NOSTRIN: variants seen among roughly 807,000 people sequenced by gnomAD.
NOSTRIN encodes the protein BM247 homolog.
NOSTRIN carries 63 observed loss-of-function variants against 59.0 expected under a neutral mutation model. The ratio of observed to expected loss-of-function variants is 1.07; its 90% CI spans 0.87 to 1.32. The LOEUF (loss-of-function observed/expected upper bound fraction) is 1.32. NOSTRIN is among the 40% of genes most tolerant of loss of function. The pLI, the probability that NOSTRIN is intolerant of heterozygous loss-of-function variation, is 0.00. For synonymous variants in NOSTRIN, 200 were observed against 165.4 expected (o/e 1.21, Z -1.61); for missense variants, 512 against 473.1 (o/e 1.08, Z -0.76).
upstream of NOSTRIN, among the ~76,000 whole-genome samples, chr2:168,799,388 T>TC (rs1203917536): frequency 6.6e-6 from 1 of 152,174 alleles, no homozygotes; most frequent in Non-Finnish European, 1.5e-5. Flanking sequence ...GGGAACTCAG[T>TC]CTCCTCCTCC....
chr2:168,832,133 G>C (rs1321583886), intron 6 of NOSTRIN, among the ~76,000 whole-genome samples: 1 of 152,068 alleles, frequency 6.6e-6, no homozygotes, highest in African/African-American at 2.4e-5. Flanking sequence ...AGTATGTGGG[G>C]TCCACTTTTT....
chr2:168,854,041 G>T (rs993353773), intron 10 of NOSTRIN, among the ~76,000 whole-genome samples: 1 of 151,922 alleles, frequency 6.6e-6, no homozygotes, highest in Non-Finnish European at 1.5e-5. Flanking sequence ...CTAATTTTTT[G>T]TATTTTTAGT....
At chr2:168,864,658 G>A (rs1458043875) in intron 15 of NOSTRIN, among the ~76,000 whole-genome samples, 176 bp from the exon 16 acceptor site, 1 of 152,222 alleles carries the variant, frequency 6.6e-6, no homozygotes, top group Non-Finnish European at 1.5e-5. Context: ...GTATCCTCTG[G>A]ATTATGCCTG....
chr2:168,844,177 T>C (rs1281195086), intron 8 of NOSTRIN, among the ~76,000 whole-genome samples: 1 of 152,220 alleles, frequency 6.6e-6, no homozygotes, highest in Non-Finnish European at 1.5e-5. Context: ...TGTAAACTTA[T>C]ACATGGGGAC....
upstream of NOSTRIN, among the ~76,000 whole-genome samples, chr2:168,796,705 G>T (rs1390642875): frequency 6.6e-6 from 1 of 152,132 alleles, no homozygotes; most frequent in Non-Finnish European, 1.5e-5. Context: ...GATTCTTGCG[G>T]AATCCTACTT....
upstream of NOSTRIN, among the ~76,000 whole-genome samples, chr2:168,798,824 T>TAGCTAGAC (rs1553519851): frequency 6.6e-6 from 1 of 150,508 alleles, no homozygotes; most frequent in Non-Finnish European, 1.5e-5. Context: ...GATAGATAGA[T>TAGCTAGAC]AGACAGACAG....
Position 168,865,308 on chromosome 2 carries a change from A to G in NOSTRIN, c.*338A>G. On this transcript the variant is annotated 3_prime_UTR_variant, in exon 16 of 16. Coordinates refer to ENST00000317647, the MANE Select transcript of NOSTRIN (RefSeq NM_001039724.4). Reference sequence around the variant, plus strand: ...TTGCCTGAAGTCAGAGTTATCTGGTAGACAACAGCAGTGGGACTTAGATGT... The same window carrying G: ...TTGCCTGAAGTCAGAGTTATCTGGTGGACAACAGCAGTGGGACTTAGATGT... 4.9e-6 allele frequency: 1 copy of G among 203,584 alleles called. No individual in the cohort carries two copies. 12.6% of individuals were successfully genotyped at this position (203,584 alleles called of 1,614,324 possible).
At chr2:168,847,439 TAA>T (rs1474396948) in intron 8 of NOSTRIN, among the ~76,000 whole-genome samples, 1 of 152,234 alleles carries the variant, frequency 6.6e-6, no homozygotes, top group Non-Finnish European at 1.5e-5. Flanking sequence ...TGAATGATTA[TAA>T]AGAGGGGTCT....
At chr2:168,864,787 A>G (rs767291870) in intron 15 of NOSTRIN, 47 bp from the exon 16 acceptor site, 2 of 1,607,626 alleles carry the variant, frequency 1.2e-6, no homozygotes, top group Non-Finnish European at 8.5e-7. Context: ...GGGCTGAGGC[A>G]TGTGTTCACA....
intron 2 of NOSTRIN, among the ~76,000 whole-genome samples, chr2:168,823,297 T>C (rs533152164): frequency 2.0e-4 from 30 of 152,362 alleles, no homozygotes; most frequent in Non-Finnish European, 1.8e-4. Context: ...ATTACAGGCG[T>C]GAGCCACCGC....
chr2:168,851,301 C>T lies in NOSTRIN; in HGVS notation c.752C>T (p.Ala251Val). 1 of 1,613,752 alleles carries T rather than the reference C, an allele frequency of 6.2e-7. No homozygotes were observed. Among genetic ancestry groups the T allele is most frequent in the Non-Finnish European group, 8.5e-7 (1 of 1,179,962 alleles). The change falls in exon 10 of 16, where the codon GCC becomes GTC. Residue 251 changes from alanine to valine, a missense_variant. By Grantham distance (64) the Ala-to-Val change is moderately conservative (BLOSUM62 0). Coordinates refer to ENST00000317647, the MANE Select transcript of NOSTRIN (RefSeq NM_001039724.4). Reference protein sequence around the residue: ...LTTCHTQIHCAISKIDIEKDI... With the variant: ...LTTCHTQIHCVISKIDIEKDI... ...CAGTGCCACACGCAGATTCACTGTG[C>T]CATCAGCAAGATTGACATTGAAAAA...
intron 1 of NOSTRIN, among the ~76,000 whole-genome samples, chr2:168,809,273 T>C (rs1055259970): frequency 6.6e-6 from 1 of 152,198 alleles, no homozygotes; most frequent in African/African-American, 2.4e-5. Context: ...TACCACTTTA[T>C]GGCTTTGGCC....
chr2:168,854,162 C>A (rs1257419691), intron 10 of NOSTRIN, among the ~76,000 whole-genome samples: 3 of 152,214 alleles, frequency 2.0e-5, no homozygotes, highest in Admixed American at 1.3e-4. Flanking sequence ...AACCACCACA[C>A]CTGGCCCAGA....
chr2:168,832,059 T>C (rs1574292770), intron 6 of NOSTRIN, among the ~76,000 whole-genome samples: 1 of 152,266 alleles, frequency 6.6e-6, no homozygotes, highest in East Asian at 1.9e-4. Flanking sequence ...ACATCATTAG[T>C]GAGAGTGGCC....
At chr2:168,855,859 A>G (rs1420122907) in intron 11 of NOSTRIN, 3 of 450,780 alleles carry the variant, frequency 6.7e-6, no homozygotes, top group Non-Finnish European at 1.3e-5. Flanking sequence ...CAATGTAAAA[A>G]CCTTTCAAAT....
chr2:168,842,135 A>G (rs972847470), intron 7 of NOSTRIN, among the ~76,000 whole-genome samples: 7 of 152,154 alleles, frequency 4.6e-5, no homozygotes, highest in Non-Finnish European at 8.8e-5. Context: ...TTTAGATTTT[A>G]TGGCTGGCTT....
intron 2 of NOSTRIN, among the ~76,000 whole-genome samples, chr2:168,820,270 T>C (rs939453599): frequency 1.3e-5 from 2 of 152,216 alleles, no homozygotes; most frequent in African/African-American, 2.4e-5. Context: ...CCCAACTCTC[T>C]GTGCCTTGGT....
At position 168,856,675 on chromosome 2, in the gene NOSTRIN, T is replaced by C; in HGVS notation, c.965-15T>C. On this transcript the variant is annotated splice_polypyrimidine_tract_variant and intron_variant, in intron 11 of 15. Transcript: ENST00000317647. ...ACAGTGTGAAAGGTGACTGAGAACA[T>C]GATTTCATTTTCAGGCCTGGAACGA... The C allele has an allele frequency of 1.9e-6, 3 of 1,612,670 alleles. No individual in the cohort carries two copies. Among genetic ancestry groups the C allele is most frequent in the African/African-American group, 1.3e-5 (1 of 74,968 alleles).
intron 2 of NOSTRIN, among the ~76,000 whole-genome samples, chr2:168,790,268 A>C (rs778619401): frequency 6.6e-6 from 1 of 152,232 alleles, no homozygotes; most frequent in Non-Finnish European, 1.5e-5. Flanking sequence ...ATGGGAAACT[A>C]TGAGTTCATA....
Sources: gnomAD v4.1 joint callset for allele counts (sites outside exome capture counted in the v4.1 genomes callset) on GRCh38, gnomAD v4.1.1 for gene constraint, MANE v1.5 for transcripts, NCBI Gene and HGNC (gene_info 2026-07-23, HGNC 2026-07-21) for gene names.